Variants in FRMD4A observed in about 807,000 individuals in gnomAD.
FRMD4A encodes FERM domain-containing protein 4A.
FRMD4A carries 29 observed loss-of-function variants against 129.1 expected under a neutral mutation model. The ratio of observed to expected loss-of-function variants is 0.22; its 90% CI spans 0.17 to 0.31. The LOEUF (loss-of-function observed/expected upper bound fraction) is 0.31. Ranked by LOEUF, FRMD4A falls within the 10% of genes least tolerant of loss-of-function variation. The pLI is 1.00. For synonymous variants in FRMD4A, 634 were observed against 571.6 expected, an observed-to-expected ratio of 1.11 and a Z score of -1.56; for missense variants, 1,272 against 1,375.8, an observed-to-expected ratio of 0.92 and a Z score of 1.19.
chr10:13,912,978 C>A (rs2094959467), intron 2 of FRMD4A, among the ~76,000 whole-genome samples: 2 of 151,014 alleles, frequency 1.3e-5, no homozygotes, highest in Admixed American at 6.6e-5. Context: ...GAGGTTGAGG[C>A]AGGAGAACCT....
chr10:13,922,933 G>C (rs2095090025), intron 2 of FRMD4A, among the ~76,000 whole-genome samples: 1 of 152,112 alleles, frequency 6.6e-6, no homozygotes, highest in Non-Finnish European at 1.5e-5. Flanking sequence ...TTGCCATTCA[G>C]GATTATAAGC....
chr10:13,892,076 G>A (rs1366703210), intron 2 of FRMD4A, among the ~76,000 whole-genome samples: 1 of 142,702 alleles, frequency 7.0e-6, no homozygotes, highest in Non-Finnish European at 1.5e-5. Flanking sequence ...GAGCTGGCTC[G>A]GCTTCCCAGC....
chr10:13,927,572 A>G (rs1375163654), intron 2 of FRMD4A, among the ~76,000 whole-genome samples: 1 of 152,220 alleles, frequency 6.6e-6, no homozygotes, highest in African/African-American at 2.4e-5. Flanking sequence ...AGATAATTTT[A>G]AAATAGCCAA....
chr10:14,015,675 C>T (rs2095696999), intron 2 of FRMD4A, among the ~76,000 whole-genome samples: 1 of 152,108 alleles, frequency 6.6e-6, no homozygotes, highest in Non-Finnish European at 1.5e-5. Context: ...TGGCTTCATC[C>T]TTGTCTAAAT....
chr10:13,801,945 T>C (rs2093263887), intron 4 of FRMD4A, among the ~76,000 whole-genome samples: 1 of 149,092 alleles, frequency 6.7e-6, no homozygotes, highest in South Asian at 2.1e-4. Context: ...TTGGTTTTCA[T>C]GATTCTCATT....
intron 24 of FRMD4A, chr10:13,648,626 G>A (rs2081305202): frequency 6.6e-6 from 1 of 152,176 alleles, no homozygotes; most frequent in South Asian, 2.1e-4. Flanking sequence ...TGAGAACTAG[G>A]TTAACAGGAG....
chr10:14,032,664 A>ACGCCC (rs1408675742), intron 2 of FRMD4A, among the ~76,000 whole-genome samples: 1 of 152,034 alleles, frequency 6.6e-6, no homozygotes, highest in Non-Finnish European at 1.5e-5. Context: ...CCACCCTAAG[A>ACGCCC]CGCCCACCCT....
chr10:13,978,233 G>A (rs939227059), intron 2 of FRMD4A, among the ~76,000 whole-genome samples: 1 of 152,172 alleles, frequency 6.6e-6, no homozygotes, highest in Non-Finnish European at 1.5e-5. Flanking sequence ...GTGGCCTTTG[G>A]GTAGGATAGG....
intron 2 of FRMD4A, among the ~76,000 whole-genome samples, chr10:13,944,764 G>A (rs144691768): frequency 1.7e-4 from 26 of 152,282 alleles, no homozygotes; most frequent in African/African-American, 5.1e-4. Flanking sequence ...AGTTCCTTCC[G>A]TAAAAAAGAA....
chr10:13,841,385 C>T (rs374976466), intron 3 of FRMD4A, among the ~76,000 whole-genome samples: 7 of 152,142 alleles, frequency 4.6e-5, no homozygotes, highest in African/African-American at 7.2e-5. Context: ...CCTGAGTTTA[C>T]GCTAACGAGA....
intron 11 of FRMD4A, among the ~76,000 whole-genome samples, chr10:13,739,063 A>G (rs1434048857): frequency 6.6e-6 from 1 of 152,220 alleles, no homozygotes; most frequent in Non-Finnish European, 1.5e-5. Flanking sequence ...CCTAATTGCC[A>G]AGTTTCTAAA....
At chr10:13,765,847 C>A (rs960628793) in intron 6 of FRMD4A, among the ~76,000 whole-genome samples, 1 of 152,220 alleles carries the variant, frequency 6.6e-6, no homozygotes, top group Admixed American at 6.5e-5. Flanking sequence ...TCACTCTGTG[C>A]GTTTCCATTC....
At chr10:13,765,848 G>A (rs1013909042) in intron 6 of FRMD4A, among the ~76,000 whole-genome samples, 16 of 152,144 alleles carry the variant, frequency 1.1e-4, no homozygotes, top group Admixed American at 3.9e-4. Context: ...CACTCTGTGC[G>A]TTTCCATTCC....
At chr10:14,281,986 A>C (rs1218860479) in intron 2 of FRMD4A, among the ~76,000 whole-genome samples, 2 of 152,212 alleles carry the variant, frequency 1.3e-5, no homozygotes, top group Non-Finnish European at 2.9e-5. Flanking sequence ...ACTCACAGTT[A>C]CACGTGGCGG....
chr10:13,852,573 A>G (rs189832893), intron 3 of FRMD4A, among the ~76,000 whole-genome samples: 1,636 of 152,268 alleles, frequency 0.011, 14 homozygotes, highest in Middle Eastern at 0.014. Flanking sequence ...GGTGAAATTT[A>G]TTGTATATTT....
chr10:14,024,750 C>T, intron 2 of FRMD4A, among the ~76,000 whole-genome samples: 1 of 152,210 alleles, frequency 6.6e-6, no homozygotes, highest in East Asian at 1.9e-4. Context: ...TGGCCAAGCG[C>T]AGAGAACCTC....
At chr10:13,764,042 C>A (rs756618933) in intron 6 of FRMD4A, among the ~76,000 whole-genome samples, 44 of 152,140 alleles carry the variant, frequency 2.9e-4, no homozygotes, top group Non-Finnish European at 5.6e-4. Flanking sequence ...GCCAAAACAG[C>A]TTTATTGAAG....
chr10:14,228,365 TTTA>T lies in FRMD4A; in HGVS notation c.45+101690_45+101692del, dbSNP rs147452461. On this transcript the variant is annotated intron_variant, in intron 2 of 24. Coordinates refer to ENST00000357447, the MANE Select transcript of FRMD4A (RefSeq NM_018027.5). ...CTTGATTGGGACCATCCAGCTTAAG[TTTA>T]TTGTTTGAGCTTAATTATTAATAAT... 7.4e-4 allele frequency among the ~76,000 whole-genome samples: 113 copies of T among 152,266 alleles called. No individual in the cohort carries two copies. In the East Asian group the frequency reaches 0.014, roughly 18 times the overall value.
intron 2 of FRMD4A, among the ~76,000 whole-genome samples, chr10:14,104,062 C>T (rs1218583743): frequency 1.3e-5 from 2 of 152,112 alleles, no homozygotes; most frequent in African/African-American, 4.8e-5. Context: ...TCTCATTTTC[C>T]CCCCATGTTT....
Sources: allele counts gnomAD v4.1 joint callset (sites outside exome capture counted in the v4.1 genomes callset), GRCh38; gene constraint gnomAD v4.1.1; transcripts MANE v1.5; gene names NCBI Gene and HGNC (gene_info 2026-07-23, HGNC 2026-07-21).